RNF152: variants seen among roughly 807,000 people sequenced by gnomAD.
RNF152 encodes ring finger protein 152.
Under a neutral mutation model 12.7 loss-of-function variants are expected in RNF152, and 11 were observed. The observed-to-expected ratio is 0.86, with a 90% confidence interval of 0.54 to 1.43. The LOEUF (loss-of-function observed/expected upper bound fraction) is 1.43. Ranked by LOEUF, RNF152 falls within the 40% of genes most tolerant of loss-of-function variation. RNF152 has a pLI of 0.00. For synonymous variants in RNF152, 113 were observed against 120.3 expected, an observed-to-expected ratio of 0.94 and a Z score of 0.40; for missense variants, 255 against 274.8, an observed-to-expected ratio of 0.93 and a Z score of 0.51.
rs181526029 is a variant in RNF152, at chr18:61,808,484, A to T, written c.*7368T>A. 9 of 151,258 alleles carry T rather than the reference A, an allele frequency of 6.0e-5. No homozygotes were observed. Among genetic ancestry groups the T allele is most frequent in the Admixed American group, 4.6e-4 (7 of 15,180 alleles). The allele number at this position is 151,258 out of a possible 1,614,324, so 9.4% of individuals were successfully genotyped here. A position where few individuals can be genotyped will look rare whatever the true frequency, so the allele number is the denominator to read the frequency against. The stretch of plus-strand genomic sequence containing the variant: ...GGATTTGAGTTAATAGCCTCTGAGC[A>T]GCATTAATATAGCCATTAGACTGGA... On this transcript the variant is annotated 3_prime_UTR_variant, in exon 2 of 2. Transcript: ENST00000312828.
At chr18:61,842,670 C>T (rs923478648) in intron 1 of RNF152, among the ~76,000 whole-genome samples, 3 of 152,132 alleles carry the variant, frequency 2.0e-5, no homozygotes, top group Admixed American at 6.5e-5. Flanking sequence ...GGGCAATTTA[C>T]AAAAGAAAGA....
At chr18:61,885,809 A>C (rs1912665587) in intron 1 of RNF152, among the ~76,000 whole-genome samples, 1 of 152,100 alleles carries the variant, frequency 6.6e-6, no homozygotes, top group Non-Finnish European at 1.5e-5. Context: ...GAAGCCTTTA[A>C]TTATAAACGC....
chr18:61,835,257 T>A (rs568582360), intron 1 of RNF152, among the ~76,000 whole-genome samples: 1 of 152,242 alleles, frequency 6.6e-6, no homozygotes, highest in East Asian at 1.9e-4. Context: ...AGGAAAAAAA[T>A]CTAAATTCCT....
chr18:61,834,979 C>A (rs1910116780), intron 1 of RNF152, among the ~76,000 whole-genome samples: 1 of 152,146 alleles, frequency 6.6e-6, no homozygotes, highest in African/African-American at 2.4e-5. Context: ...TGGGTGATTC[C>A]AATGTCAATT....
intron 1 of RNF152, among the ~76,000 whole-genome samples, chr18:61,866,641 C>T (rs1312258166): frequency 6.6e-6 from 1 of 152,200 alleles, no homozygotes; most frequent in East Asian, 1.9e-4. Context: ...CATGGTATTC[C>T]CTGTGCTTCT....
chr18:61,840,934 C>T (rs965934090), intron 1 of RNF152, among the ~76,000 whole-genome samples: 50 of 152,254 alleles, frequency 3.3e-4, no homozygotes, highest in African/African-American at 1.1e-3. Flanking sequence ...TTATTCTTCC[C>T]TTGACTGCTC....
intron 1 of RNF152, among the ~76,000 whole-genome samples, chr18:61,864,551 T>G (rs1245364876): frequency 6.6e-6 from 1 of 152,158 alleles, no homozygotes; most frequent in African/African-American, 2.4e-5. Flanking sequence ...GGCTTCGCTG[T>G]GTAGACATGG....
At chr18:61,860,454 T>G (rs2144714720) in intron 1 of RNF152, among the ~76,000 whole-genome samples, 1 of 152,354 alleles carries the variant, frequency 6.6e-6, no homozygotes, top group Middle Eastern at 3.4e-3. Context: ...AAATTCCTAT[T>G]GCCTGGTGAT....
At chr18:61,870,880 C>A (rs4941074) in intron 1 of RNF152, among the ~76,000 whole-genome samples, 51,120 of 151,712 alleles carry the variant, frequency 0.34, 9,099 homozygotes, top group Middle Eastern at 0.45. Flanking sequence ...CACATTGCAC[C>A]CATGATTCCA....
chr18:61,842,106 T>C (rs1265397873), intron 1 of RNF152, among the ~76,000 whole-genome samples: 1 of 152,266 alleles, frequency 6.6e-6, no homozygotes, highest in Non-Finnish European at 1.5e-5. Context: ...CTGAGTTTTA[T>C]TAAGGGTTCA....
chr18:61,853,801 C>T (rs1911096211), intron 1 of RNF152, among the ~76,000 whole-genome samples: 1 of 152,192 alleles, frequency 6.6e-6, no homozygotes, highest in African/African-American at 2.4e-5. Flanking sequence ...CTAATCACTT[C>T]CTTGAAGTCC....
At chr18:61,844,216 AG>A (rs1910645056) in intron 1 of RNF152, among the ~76,000 whole-genome samples, 2 of 107,368 alleles carry the variant, frequency 1.9e-5, no homozygotes, top group Admixed American at 1.2e-4. Flanking sequence ...GGAAGGAGGG[AG>A]GGAAGGAGGG....
chr18:61,860,403 C>T (rs1911415941), intron 1 of RNF152, among the ~76,000 whole-genome samples: 1 of 152,218 alleles, frequency 6.6e-6, no homozygotes, highest in African/African-American at 2.4e-5. Flanking sequence ...TAACAGATCA[C>T]ATAGAAGATG....
chr18:61,871,418 C>A (rs1306668283), intron 1 of RNF152, among the ~76,000 whole-genome samples: 1 of 152,126 alleles, frequency 6.6e-6, no homozygotes, highest in Non-Finnish European at 1.5e-5. Flanking sequence ...TACCAGGATT[C>A]ATCATCTCCA....
chr18:61,831,309 C>A (rs181928005), intron 1 of RNF152, among the ~76,000 whole-genome samples: 2 of 152,126 alleles, frequency 1.3e-5, no homozygotes. Flanking sequence ...AGAATCAGCT[C>A]GGGGAAATGC....
At chr18:61,859,248 A>G (rs1911355132) in intron 1 of RNF152, among the ~76,000 whole-genome samples, 1 of 152,224 alleles carries the variant, frequency 6.6e-6, no homozygotes, top group African/African-American at 2.4e-5. Context: ...TGTCCTTCCC[A>G]CGGGTACCAT....
chr18:61,889,472 G>A (rs770099020), intron 1 of RNF152, among the ~76,000 whole-genome samples: 10 of 152,124 alleles, frequency 6.6e-5, no homozygotes, highest in Non-Finnish European at 1.2e-4. Context: ...GCCACCAACT[G>A]CTGAATCCAG....
At chr18:61,851,090 TAAA>T (rs529714042) in intron 1 of RNF152, among the ~76,000 whole-genome samples, 1 of 126,396 alleles carries the variant, frequency 7.9e-6, no homozygotes, top group Non-Finnish European at 1.7e-5. Flanking sequence ...CCACAATGAT[TAAA>T]AAAAAAAAAA....
rs943444615 is a variant in RNF152, at chr18:61,816,457, T to A, written c.7A>T (p.Thr3Ser). ...TCCAGCAGAGAGTCCTGGGACAGCGTCTCCATGGTGGACCGTGAGCAGGAA... is the reference window on the plus strand; with the variant it reads ...TCCAGCAGAGAGTCCTGGGACAGCGACTCCATGGTGGACCGTGAGCAGGAA... ME[T>S]LSQDSLLECQ... The change falls in exon 2 of 2, where the codon ACG (threonine) becomes TCG (serine). Residue 3 changes from threonine (T) to serine (S), a missense_variant. Physicochemically the swap from Thr to Ser is moderately conservative, Grantham distance 58. Transcript: ENST00000312828. 11 of 1,598,496 alleles carry A rather than the reference T, an allele frequency of 6.9e-6. No homozygotes were observed. In the African/African-American group the frequency reaches 1.5e-4, roughly 21 times the overall value.
Sources: gnomAD v4.1 joint callset for allele counts (sites outside exome capture counted in the v4.1 genomes callset) on GRCh38, gnomAD v4.1.1 for gene constraint, MANE v1.5 for transcripts, NCBI Gene and HGNC (gene_info 2026-07-23, HGNC 2026-07-21) for gene names.